The following CHRM3 variants were observed in gnomAD, a reference collection of about 807,000 sequenced individuals.
The protein encoded by CHRM3 is muscarinic acetylcholine receptor M3.
In CHRM3, 11 loss-of-function variants were observed where a neutral mutation model predicts 41.8. The ratio of observed to expected loss-of-function variants is 0.26; its 90% CI spans 0.17 to 0.44. The LOEUF is 0.44. Ranked by LOEUF, CHRM3 falls within the 20% of genes least tolerant of loss-of-function variation. The pLI is 1.00. For missense variants in CHRM3, 571 were observed against 745.4 expected (o/e 0.77, Z 2.72); for synonymous variants, 297 against 301.4 (o/e 0.99, Z 0.15).
At chr1:239,588,886 C>T (rs915314872) in intron 3 of CHRM3, among the ~76,000 whole-genome samples, 3 of 152,154 alleles carry the variant, frequency 2.0e-5, no homozygotes, top group South Asian at 4.2e-4. Flanking sequence ...TTACCTTGGA[C>T]CTGCAGGTGT....
chr1:239,608,965 T>A (rs907774131), intron 3 of CHRM3, among the ~76,000 whole-genome samples: 3 of 152,234 alleles, frequency 2.0e-5, no homozygotes, highest in South Asian at 2.1e-4. Context: ...ATGGCTTTTT[T>A]AACCTTTACT....
chr1:239,818,405 AG>A (rs1383306259), intron 5 of CHRM3, among the ~76,000 whole-genome samples: 2 of 152,190 alleles, frequency 1.3e-5, no homozygotes, highest in African/African-American at 2.4e-5. Flanking sequence ...TATACATCAT[AG>A]GGGCACAGTG....
At chr1:239,902,008 G>C (rs77291272) in intron 6 of CHRM3, among the ~76,000 whole-genome samples, 2,067 of 152,174 alleles carry the variant, frequency 0.014, 28 homozygotes, top group South Asian at 0.039. Context: ...TATTTTCCTA[G>C]TGTGTAGGTC....
At chr1:239,558,724 A>G (rs1163427091) in intron 3 of CHRM3, among the ~76,000 whole-genome samples, 1 of 152,108 alleles carries the variant, frequency 6.6e-6, no homozygotes, top group Non-Finnish European at 1.5e-5. Flanking sequence ...TTCCCTCTCT[A>G]CCTGGAAACT....
At chr1:239,440,070 C>T (rs558479340) in intron 1 of CHRM3, among the ~76,000 whole-genome samples, 2 of 151,904 alleles carry the variant, frequency 1.3e-5, no homozygotes, top group Admixed American at 1.3e-4. Flanking sequence ...TGGTGGTGTG[C>T]GCCTATAATC....
intron 5 of CHRM3, among the ~76,000 whole-genome samples, chr1:239,770,268 G>A (rs911490058): frequency 1.3e-5 from 2 of 152,150 alleles, no homozygotes; most frequent in African/African-American, 4.8e-5. Flanking sequence ...TCAGTGGGTG[G>A]GCCTAGACAG....
At chr1:239,451,729 T>A (rs934484341) in intron 1 of CHRM3, among the ~76,000 whole-genome samples, 2 of 152,084 alleles carry the variant, frequency 1.3e-5, no homozygotes, top group Non-Finnish European at 2.9e-5. Context: ...TGGGAAGAAA[T>A]TTATAAACAC....
At chr1:239,675,085 A>G (rs564580374) in intron 4 of CHRM3, among the ~76,000 whole-genome samples, 39 of 152,234 alleles carry the variant, frequency 2.6e-4, no homozygotes, top group Admixed American at 2.1e-3. Flanking sequence ...ATAGGGGTCA[A>G]TTATCAATGT....
intron 6 of CHRM3, among the ~76,000 whole-genome samples, chr1:239,884,635 C>T (rs1238261429): frequency 2.6e-5 from 4 of 152,178 alleles, no homozygotes; most frequent in Admixed American, 2.6e-4. Context: ...GCTGTATAAA[C>T]ATGGGTGGGA....
At chr1:239,905,793 T>C (rs1038072185) in intron 6 of CHRM3, among the ~76,000 whole-genome samples, 3 of 152,132 alleles carry the variant, frequency 2.0e-5, no homozygotes, top group Non-Finnish European at 4.4e-5. Flanking sequence ...CTACTAACAT[T>C]TATTATTGCA....
At chr1:239,521,245 C>T (rs1314688782) in intron 2 of CHRM3, among the ~76,000 whole-genome samples, 2 of 152,172 alleles carry the variant, frequency 1.3e-5, no homozygotes, top group South Asian at 2.1e-4. Context: ...GTTTCAGGCT[C>T]TCCAGTGGTG....
intron 2 of CHRM3, among the ~76,000 whole-genome samples, chr1:239,534,305 G>A (rs1211983433): frequency 6.6e-6 from 1 of 152,180 alleles, no homozygotes; most frequent in East Asian, 1.9e-4. Flanking sequence ...CAGCCTGGGT[G>A]ACAAAGCGAG....
At chr1:239,622,798 GC>G (rs1668530312) in intron 3 of CHRM3, among the ~76,000 whole-genome samples, 1 of 152,156 alleles carries the variant, frequency 6.6e-6, no homozygotes, top group Non-Finnish European at 1.5e-5. Context: ...AGCTGCAGCA[GC>G]CTTTGAGAGG....
At chr1:239,631,988 C>A (rs947073561) in intron 3 of CHRM3, among the ~76,000 whole-genome samples, 1 of 152,294 alleles carries the variant, frequency 6.6e-6, no homozygotes, top group South Asian at 2.1e-4. Flanking sequence ...ATGAGGAAGT[C>A]AATAGATACA....
chr1:239,742,943 T>C (rs1194144589), intron 5 of CHRM3, among the ~76,000 whole-genome samples: 4 of 152,208 alleles, frequency 2.6e-5, no homozygotes, highest in South Asian at 4.1e-4. Context: ...CTACTGAAGA[T>C]AGGTCTTTTT....
intron 5 of CHRM3, among the ~76,000 whole-genome samples, chr1:239,771,043 A>C (rs1667619410): frequency 6.6e-6 from 1 of 151,628 alleles, no homozygotes; most frequent in African/African-American, 2.4e-5. Context: ...AGCCAAGATC[A>C]TCCTACTGCA....
At chr1:239,696,666 T>C (rs973038225) in intron 5 of CHRM3, among the ~76,000 whole-genome samples, 3 of 152,222 alleles carry the variant, frequency 2.0e-5, no homozygotes, top group African/African-American at 7.2e-5. Context: ...TTCAGTAGCA[T>C]ACTGGCACAT....
chr1:239,543,144 A>G (rs573367774), intron 2 of CHRM3, among the ~76,000 whole-genome samples: 68 of 152,280 alleles, frequency 4.5e-4, no homozygotes, highest in African/African-American at 1.6e-3. Flanking sequence ...AGGGAGGGAG[A>G]CAGAGCCCTG....
chr1:239,866,258 T>A (rs1676090649), intron 6 of CHRM3, among the ~76,000 whole-genome samples: 2 of 151,978 alleles, frequency 1.3e-5, no homozygotes, highest in Non-Finnish European at 2.9e-5. Flanking sequence ...GCACCTGTAG[T>A]CCCAGCTACT....
Sources: gnomAD v4.1 joint callset for allele counts (sites outside exome capture counted in the v4.1 genomes callset) on GRCh38, gnomAD v4.1.1 for gene constraint, MANE v1.5 for transcripts, NCBI Gene and HGNC (gene_info 2026-07-23, HGNC 2026-07-21) for gene names.